The following ZNF527 variants were observed in gnomAD, a reference collection of about 807,000 sequenced individuals.
ZNF527 encodes the protein zinc finger protein 527.
ZNF527 carries 5 observed loss-of-function variants against 13.5 expected under a neutral mutation model. That is an observed-to-expected ratio of 0.37 (90% CI 0.19 to 0.78). The LOEUF (loss-of-function observed/expected upper bound fraction) is 0.78. Among genes scored for constraint, ZNF527 ranks in the 30% least tolerant of loss-of-function variants. ZNF527 has a pLI of 0.48. For missense variants in ZNF527, 628 were observed against 726.4 expected, an observed-to-expected ratio of 0.86 and a Z score of 1.56; for synonymous variants, 209 against 243.1, an observed-to-expected ratio of 0.86 and a Z score of 1.30.
intron 1 of ZNF527, among the ~76,000 whole-genome samples, 167 bp from the exon 2 acceptor site, chr19:37,373,991 G>A (rs139727900): frequency 4.2e-5 from 6 of 142,436 alleles, no homozygotes; most frequent in African/African-American, 1.6e-4. Context: ...AAGACTTTGG[G>A]AGTTAAGTTC....
chr19:37,376,082 C>A (rs1328741333), intron 2 of ZNF527, among the ~76,000 whole-genome samples: 4 of 152,296 alleles, frequency 2.6e-5, no homozygotes, highest in African/African-American at 9.6e-5. Context: ...AATCCCAGTA[C>A]TTTGGGAGGC....
Position 37,392,069 on chromosome 19 carries a change from A to T in ZNF527, c.*2190A>T, listed in dbSNP as rs1305713445. 1 of 152,228 alleles carries T rather than the reference A, an allele frequency of 6.6e-6. No individual in the cohort carries two copies. Among genetic ancestry groups the T allele is most frequent in the East Asian group, 1.9e-4 (1 of 5,200 alleles). The allele number at this position is 152,228 out of a possible 1,614,324, so 9.4% of individuals were successfully genotyped here. A position where few individuals can be genotyped will look rare whatever the true frequency, so the allele number is the denominator to read the frequency against. ...TTTCATAAATATTCAAATTCCCTTT[A>T]AACAGCTTAAAATACAGATTTAGTG... On this transcript the variant is annotated 3_prime_UTR_variant, in exon 5 of 5. Coordinates refer to ENST00000436120, the MANE Select transcript of ZNF527 (RefSeq NM_032453.2).
chr19:37,377,651 A>G (rs2040619107), intron 2 of ZNF527, among the ~76,000 whole-genome samples: 1 of 152,186 alleles, frequency 6.6e-6, no homozygotes, highest in Admixed American at 6.5e-5. Context: ...TGGGGCTCAT[A>G]ACAGCATAGC....
chr19:37,377,787 G>T (rs1235475914), intron 2 of ZNF527, among the ~76,000 whole-genome samples: 2 of 152,026 alleles, frequency 1.3e-5, no homozygotes, highest in Non-Finnish European at 2.9e-5. Flanking sequence ...CCCAGGGAGG[G>T]AGCCAGGGGA....
chr19:37,384,484 CAG>C (rs920969638), intron 4 of ZNF527, among the ~76,000 whole-genome samples: 2 of 150,954 alleles, frequency 1.3e-5, no homozygotes, highest in Non-Finnish European at 2.9e-5. Flanking sequence ...GGCTAGGTGA[CAG>C]AGCAAGACCC....
rs772278647 is a variant in ZNF527 at position 37,375,242 on chromosome 19, TTTTCTTTCTTTCTTTC to T, written c.33+1067_33+1082del. Among the ~76,000 whole-genome samples, 703 of 97,172 alleles carry T rather than the reference TTTTCTTTCTTTCTTTC, an allele frequency of 7.2e-3. 11 individuals carry two copies. Among genetic ancestry groups the T allele is most frequent in the African/African-American group, 0.018 (441 of 24,130 alleles). The allele number at this position is 97,172 out of a possible 152,430, so 63.7% of individuals were successfully genotyped here. A position where few individuals can be genotyped will look rare whatever the true frequency, so the allele number is the denominator to read the frequency against. ...TGTGAATTTGGGAGTCCTTAGTGTA[TTTTCTTTCTTTCTTTC>T]TTTCTTTCTTTCTTTCTTTCTTTCT... is the stretch of plus-strand genomic sequence containing the variant. On this transcript the variant is annotated intron_variant, in intron 2 of 4. Transcript: ENST00000436120.
chr19:37,385,441 A>G (rs2040690398), intron 4 of ZNF527: 3 of 398,540 alleles, frequency 7.5e-6, no homozygotes, highest in Non-Finnish European at 1.3e-5. Flanking sequence ...GGAATTTTAC[A>G]AGTCAACCCT....
At chr19:37,384,301 G>C (rs1450133066) in intron 4 of ZNF527, among the ~76,000 whole-genome samples, 1 of 152,090 alleles carries the variant, frequency 6.6e-6, no homozygotes, top group African/African-American at 2.4e-5. Flanking sequence ...TTGGGCGACA[G>C]AGCAAGACTC....
intron 4 of ZNF527, among the ~76,000 whole-genome samples, chr19:37,381,243 C>T (rs1341784042): frequency 6.6e-6 from 1 of 152,126 alleles, no homozygotes; most frequent in Non-Finnish European, 1.5e-5. Context: ...TTTATATATA[C>T]ATAACCCTAA....
In ZNF527 at chr19:37,389,028, G is replaced by A; in HGVS notation, c.979G>A (p.Glu327Lys). 1 of 1,614,236 alleles carries A rather than the reference G, an allele frequency of 6.2e-7. No homozygotes were observed. Among genetic ancestry groups the A allele is most frequent in the South Asian group, 1.1e-5 (1 of 91,080 alleles). ...LSEHQRTHIG[E>K]KPYECKECNK... ...TGAACATCAAAGAACTCATATTGGG[G>A]AGAAACCTTATGAATGTAAGGAATG... is the stretch of plus-strand genomic sequence containing the variant. Residue 327 changes from glutamate to lysine, a missense_variant, in exon 5 of 5, where the codon GAG becomes AAG. Around this residue, in one of 3 missense-constraint regions of ZNF527, gnomAD observed 592 missense variants for 678.0 expected, o/e 0.87. Coordinates refer to ENST00000436120, the MANE Select transcript of ZNF527 (RefSeq NM_032453.2).
Position 37,389,117 on chromosome 19 carries a change from A to G in ZNF527, c.1068A>G (p.Lys356=). Reference sequence around the variant, plus strand: ...ATCAGAGGATCCACACTGGAGAGAAACCGTTTGCGTGCAATGAATGTGGGA... The same window carrying G: ...ATCAGAGGATCCACACTGGAGAGAAGCCGTTTGCGTGCAATGAATGTGGGA... ...AQHQRIHTGE[K]PFACNECGKA... The change falls in exon 5 of 5, where the codon AAA becomes AAG. Residue 356 remains lysine, a synonymous_variant. Transcript: ENST00000436120. The G allele has an allele frequency of 6.2e-7, 1 of 1,614,224 alleles. No individual in the cohort carries two copies. Among genetic ancestry groups the G allele is most frequent in the Non-Finnish European group, 8.5e-7 (1 of 1,180,032 alleles).
In ZNF527 at chr19:37,377,874, C is replaced by T. The variant is rs571722475; in HGVS notation, c.34-1246C>T. 2.5e-4 allele frequency among the ~76,000 whole-genome samples: 38 copies of T among 152,096 alleles called. No homozygotes were observed. In the South Asian group the frequency reaches 5.2e-3, roughly 21 times the overall value. On this transcript the variant is annotated intron_variant, in intron 2 of 4. Transcript: ENST00000436120. Reference sequence around the variant, plus strand: ...CCCAACAGAATATGGGATGGGACAACGGAGTTTATTGATACAGTCAGCCTC... The same window carrying T: ...CCCAACAGAATATGGGATGGGACAATGGAGTTTATTGATACAGTCAGCCTC...
At chr19:37,386,108 T>A (rs893024372) in intron 4 of ZNF527, among the ~76,000 whole-genome samples, 3 of 150,558 alleles carry the variant, frequency 2.0e-5, no homozygotes, top group African/African-American at 7.3e-5. Flanking sequence ...TGTCCAGTTC[T>A]GTGTAGTAGA....
chr19:37,373,162 A>AT (rs2040572437), intron 1 of ZNF527, among the ~76,000 whole-genome samples: 3 of 152,230 alleles, frequency 2.0e-5, no homozygotes, highest in South Asian at 2.1e-4. Context: ...TCTGAGGATT[A>AT]AATGAGATAA....
chr19:37,377,492 A>G (rs1478660386), intron 2 of ZNF527, among the ~76,000 whole-genome samples: 3 of 152,202 alleles, frequency 2.0e-5, no homozygotes, highest in Non-Finnish European at 2.9e-5. Flanking sequence ...GTGGTTTTGC[A>G]GTGCTTTTGA....
chr19:37,392,412 CAG>C lies in ZNF527; in HGVS notation c.*2534_*2535del, dbSNP rs1225833715. 6.6e-6 allele frequency: 1 copy of C among 151,864 alleles called. No homozygotes were observed. The highest frequency in any genetic ancestry group is 1.9e-4 in the East Asian group (1 of 5,190). 9.4% of individuals were successfully genotyped at this position (151,864 alleles called of 1,614,324 possible). A position where few individuals can be genotyped will look rare whatever the true frequency, so the allele number is the denominator to read the frequency against. ...TTTTATTTATTTATTTTTTTTGAGA[CAG>C]GGTCTCACTCTGTTATCCAGGCTGG... On this transcript the variant is annotated 3_prime_UTR_variant, in exon 5 of 5. Coordinates refer to ENST00000436120, the MANE Select transcript of ZNF527 (RefSeq NM_032453.2).
At chr19:37,384,302 A>G (rs1281208558) in intron 4 of ZNF527, among the ~76,000 whole-genome samples, 1 of 152,164 alleles carries the variant, frequency 6.6e-6, no homozygotes, top group East Asian at 1.9e-4. Flanking sequence ...TGGGCGACAG[A>G]GCAAGACTCC....
In ZNF527 at chr19:37,389,274, A is replaced by C; in HGVS notation, c.1225A>C (p.Thr409Pro). The C allele has an allele frequency of 2.5e-6, 4 of 1,614,226 alleles. No homozygotes were observed. The highest frequency in any genetic ancestry group is 1.1e-5 in the South Asian group (1 of 91,084). ...CCTTAATCAACATCAGAGGATTCACACTGGAGAGAAACCCTATGAATGTAA... is the reference window on the plus strand; with the variant it reads ...CCTTAATCAACATCAGAGGATTCACCCTGGAGAGAAACCCTATGAATGTAA... ...AHLNQHQRIH[T>P]GEKPYECNQC... is the part of the protein sequence containing the mutation. The change falls in exon 5 of 5, where the codon ACT becomes CCT. Residue 409 changes from threonine to proline, a missense_variant. Thr to Pro is a conservative substitution (Grantham distance 38). This residue lies in a region of ZNF527 where 592 missense variants were observed against 678.0 expected (regional missense o/e 0.87). Transcript: ENST00000436120.
intron 2 of ZNF527, among the ~76,000 whole-genome samples, chr19:37,376,862 A>G (rs1305883419): frequency 1.3e-5 from 2 of 152,026 alleles, no homozygotes; most frequent in East Asian, 3.8e-4. Flanking sequence ...CAGTACAAAA[A>G]AGAGTGTAAG....
Sources: allele counts gnomAD v4.1 joint callset (sites outside exome capture counted in the v4.1 genomes callset), GRCh38; gene constraint gnomAD v4.1.1; regional missense constraint gnomAD v4.1.1; transcripts MANE v1.5; gene names NCBI Gene and HGNC (gene_info 2026-07-23, HGNC 2026-07-21).